The following TYR variants were observed in gnomAD, a reference collection of about 807,000 sequenced individuals.
The protein encoded by TYR is LB24-AB.
In TYR, 58 loss-of-function variants were observed where a neutral mutation model predicts 51.5. The observed-to-expected ratio is 1.13, with a 90% CI of 0.91 to 1.40. The LOEUF is 1.40. Among genes scored for constraint, TYR ranks in the 40% most tolerant of loss-of-function variants. TYR has a pLI of 0.00. For synonymous variants in TYR, 263 were observed against 235.2 expected (o/e 1.12, Z -1.08); for missense variants, 732 against 647.4 (o/e 1.13, Z -1.42).
intron 2 of TYR, among the ~76,000 whole-genome samples, chr11:89,214,793 C>A (rs1028432205): frequency 1.3e-5 from 2 of 152,044 alleles, no homozygotes; most frequent in Admixed American, 1.3e-4. Context: ...AAATCAAAAG[C>A]CCAGAAATCA....
rs769907583 is a variant in TYR at position 89,178,138 on chromosome 11, A to G, written c.185A>G (p.Asn62Ser). The part of the protein sequence containing the change: ...RGSCQNILLS[N>S]APLGPQFPFT... ...TCCTGTCAGAATATCCTTCTGTCCA[A>G]TGCACCACTTGGGCCTCAATTTCCC... is the stretch of plus-strand genomic sequence containing the variant. Residue 62 changes from asparagine (N) to serine (S), a missense_variant, in exon 1 of 5, where the codon AAT (asparagine) becomes AGT (serine). By Grantham distance (46) the Asn-to-Ser change is conservative (BLOSUM62 1). Transcript: ENST00000263321. 6.8e-6 allele frequency: 11 copies of G among 1,614,074 alleles called. No homozygotes were observed. In the Admixed American group the frequency reaches 8.3e-5, roughly 12 times the overall value.
chr11:89,261,953 G>T (rs1372440523), intron 3 of TYR, among the ~76,000 whole-genome samples: 1 of 152,040 alleles, frequency 6.6e-6, no homozygotes, highest in Non-Finnish European at 1.5e-5. Context: ...CTAAATAATA[G>T]TTGAATTAAA....
At chr11:89,284,705 T>C in intron 3 of TYR, 68 bp from the exon 4 acceptor site, 1 of 1,485,598 alleles carries the variant, frequency 6.7e-7, no homozygotes, top group Non-Finnish European at 9.3e-7. Flanking sequence ...TATTTTACTT[T>C]AAAAATTTTC....
At chr11:89,258,768 T>C (rs923843673) in intron 3 of TYR, among the ~76,000 whole-genome samples, 4 of 152,058 alleles carry the variant, frequency 2.6e-5, no homozygotes, top group African/African-American at 9.7e-5. Context: ...GCTTTCTTCC[T>C]TCCAAAGGCT....
chr11:89,234,956 C>T (rs1265145089), intron 3 of TYR, among the ~76,000 whole-genome samples: 1 of 151,152 alleles, frequency 6.6e-6, no homozygotes, highest in Admixed American at 6.6e-5. Flanking sequence ...CTCAAGGTTG[C>T]CAGAAACCTT....
At chr11:89,256,937 G>C (rs1944399645) in intron 3 of TYR, among the ~76,000 whole-genome samples, 1 of 151,978 alleles carries the variant, frequency 6.6e-6, no homozygotes. Flanking sequence ...TTTTTGAGCA[G>C]AGAGGGATGT....
intron 3 of TYR, among the ~76,000 whole-genome samples, chr11:89,252,183 T>C (rs1944338611): frequency 1.3e-5 from 2 of 151,820 alleles, no homozygotes; most frequent in Admixed American, 1.3e-4. Flanking sequence ...TATTAGACTA[T>C]GAGAATCTGA....
At chr11:89,200,937 C>T (rs1591149756) in intron 2 of TYR, among the ~76,000 whole-genome samples, 1 of 152,014 alleles carries the variant, frequency 6.6e-6, no homozygotes, top group East Asian at 1.9e-4. Flanking sequence ...ACTTTTTGTC[C>T]TTGCTACATT....
intron 3 of TYR, among the ~76,000 whole-genome samples, chr11:89,249,347 G>A (rs1396562655): frequency 2.0e-5 from 3 of 151,520 alleles, no homozygotes; most frequent in African/African-American, 7.3e-5. Flanking sequence ...AAGCAGTCTG[G>A]CATACCCCAT....
intron 3 of TYR, among the ~76,000 whole-genome samples, chr11:89,234,078 A>G (rs1324217922): frequency 2.8e-5 from 4 of 144,016 alleles, no homozygotes; most frequent in Non-Finnish European, 4.5e-5. Flanking sequence ...TCTATTGTTT[A>G]GTATAGCCAA....
rs759716361 is a variant in TYR at position 89,178,798 on chromosome 11, C to T, written c.819+26C>T. The T allele has an allele frequency of 3.1e-6, 5 of 1,610,664 alleles. No individual in the cohort carries two copies. The South Asian group carries it at 5.5e-5, about 18-fold the overall frequency. On this transcript the variant is annotated intron_variant, in intron 1 of 4. Transcript: ENST00000263321. ...GTAAGATATGCTAGATATACGATGTCAGAGTAGGGAGGAACCTTAACAATC... is the reference window on the plus strand; with the variant it reads ...GTAAGATATGCTAGATATACGATGTTAGAGTAGGGAGGAACCTTAACAATC...
At chr11:89,191,975 G>T (rs759696616) in intron 2 of TYR, 4 of 438,210 alleles carry the variant, frequency 9.1e-6, no homozygotes, top group Non-Finnish European at 1.8e-5. Flanking sequence ...ATTTTCCTAC[G>T]TTTTAGTGTT....
intron 3 of TYR, among the ~76,000 whole-genome samples, chr11:89,247,513 T>C (rs916264085): frequency 1.2e-4 from 19 of 152,150 alleles, no homozygotes; most frequent in Non-Finnish European, 2.4e-4. Flanking sequence ...CTTTGTAGGA[T>C]TAATATATTC....
At chr11:89,251,553 G>T (rs1214436132) in intron 3 of TYR, among the ~76,000 whole-genome samples, 1 of 151,824 alleles carries the variant, frequency 6.6e-6, no homozygotes, top group African/African-American at 2.4e-5. Flanking sequence ...AATTCAAAAA[G>T]TCAAAGAGGA....
intron 2 of TYR, among the ~76,000 whole-genome samples, chr11:89,199,374 T>C (rs1943567731): frequency 6.6e-6 from 1 of 152,186 alleles, no homozygotes; most frequent in Non-Finnish European, 1.5e-5. Flanking sequence ...AATATGAATA[T>C]TGACAAAGTA....
At chr11:89,178,838 G>C in intron 1 of TYR, 66 bp downstream of exon 1, 1 of 1,539,074 alleles carries the variant, frequency 6.5e-7, no homozygotes, top group Non-Finnish European at 9.0e-7. Flanking sequence ...CTTCAGGCAG[G>C]GTATAAACTT....
chr11:89,218,143 C>T (rs963304245), intron 2 of TYR, among the ~76,000 whole-genome samples: 6 of 152,000 alleles, frequency 3.9e-5, no homozygotes, highest in African/African-American at 1.4e-4. Flanking sequence ...AACATAAAAA[C>T]ATAAGGGTTA....
chr11:89,263,896 A>C (rs2135309180), intron 3 of TYR, among the ~76,000 whole-genome samples: 1 of 152,188 alleles, frequency 6.6e-6, no homozygotes, highest in Admixed American at 6.6e-5. Context: ...AGACTTAACT[A>C]TCATTAACAT....
chr11:89,186,340 T>G (rs1396988686), intron 1 of TYR, among the ~76,000 whole-genome samples: 2 of 152,178 alleles, frequency 1.3e-5, no homozygotes, highest in East Asian at 1.9e-4. Context: ...AATCTTATCT[T>G]TGGGTTTGTG....
Sources: gnomAD v4.1 joint callset for allele counts (sites outside exome capture counted in the v4.1 genomes callset) on GRCh38, gnomAD v4.1.1 for gene constraint, MANE v1.5 for transcripts, NCBI Gene and HGNC (gene_info 2026-07-23, HGNC 2026-07-21) for gene names.